The following ACSM2A variants were observed in gnomAD, a reference collection of about 807,000 sequenced individuals.
ACSM2A encodes acyl-CoA synthetase medium chain family member 2A, also known as acyl-coenzyme A synthetase ACSM2A, mitochondrial.
A neutral mutation model predicts 76.6 loss-of-function variants in ACSM2A; 72 were observed. The observed-to-expected ratio is 0.94, with a 90% CI of 0.78 to 1.14. The LOEUF is 1.14. Among genes scored for constraint, ACSM2A ranks in the 50% most tolerant of loss-of-function variants. The pLI, the probability that ACSM2A is intolerant of heterozygous loss-of-function variation, is 0.00. For synonymous variants in ACSM2A, 249 were observed against 255.9 expected, an observed-to-expected ratio of 0.97 and a Z score of 0.26; for missense variants, 684 against 708.5, an observed-to-expected ratio of 0.97 and a Z score of 0.39.
At chr16:20,467,908 G>T (rs1178329456) in intron 3 of ACSM2A, among the ~76,000 whole-genome samples, 1 of 151,944 alleles carries the variant, frequency 6.6e-6, no homozygotes, top group East Asian at 1.9e-4. Flanking sequence ...TTCACAAACT[G>T]CCCTTTCCAC....
chr16:20,460,041 C>T, intron 1 of ACSM2A, 66 bp from the exon 2 acceptor site: 1 of 1,479,914 alleles, frequency 6.8e-7, no homozygotes, highest in Non-Finnish European at 9.0e-7. Flanking sequence ...TCTCCTGAAG[C>T]TGCTGATGAT....
intron 9 of ACSM2A, 129 bp downstream of exon 9, chr16:20,477,578 G>T: frequency 6.9e-7 from 1 of 1,438,920 alleles, no homozygotes; most frequent in Non-Finnish European, 9.2e-7. Context: ...AAGAAAAAAA[G>T]GAGGTAGGGA....
chr16:20,452,132 T>A (rs559416291), intron 1 of ACSM2A: 5 of 151,598 alleles, frequency 3.3e-5, no homozygotes, highest in African/African-American at 1.2e-4. Flanking sequence ...TAATACTGAG[T>A]GTCAATTGAT....
intron 1 of ACSM2A, chr16:20,453,682 G>T (rs1415324695): frequency 7.9e-6 from 1 of 126,638 alleles, no homozygotes; most frequent in Non-Finnish European, 1.6e-5. Flanking sequence ...TTTTCTTCTT[G>T]CAGAAAGCCT....
intron 1 of ACSM2A, among the ~76,000 whole-genome samples, chr16:20,458,913 T>TAC (rs1179656098): frequency 6.7e-5 from 4 of 59,662 alleles, no homozygotes; most frequent in Non-Finnish European, 1.2e-4. Flanking sequence ...TGCATATATA[T>TAC]ATATATATAT....
At chr16:20,460,431 A>G in intron 2 of ACSM2A, 140 bp downstream of exon 2, 1 of 1,475,182 alleles carries the variant, frequency 6.8e-7, no homozygotes, top group Non-Finnish European at 9.0e-7. Context: ...CTCGTCTTCC[A>G]TGAAGGCAGT....
intron 10 of ACSM2A, among the ~76,000 whole-genome samples, chr16:20,480,036 A>G (rs1240768975): frequency 1.3e-5 from 2 of 152,224 alleles, no homozygotes; most frequent in Admixed American, 1.3e-4. Flanking sequence ...AGGAAGATGC[A>G]CTGACAAGGG....
Position 20,463,263 on chromosome 16 carries a change from C to CA in ACSM2A, c.178-2244dup, listed in dbSNP as rs1045665768. On this transcript the variant is annotated intron_variant, in intron 2 of 13. Coordinates refer to ENST00000573854, the MANE Select transcript of ACSM2A (RefSeq NM_001308172.2). The stretch of plus-strand genomic sequence containing the variant: ...AAAAGAAATATCAGGCAAATCCAAC[C>CA]AAAAAAAAAAGAGAATATTGTATTT... 2.1e-3 allele frequency among the ~76,000 whole-genome samples: 308 copies of CA among 145,012 alleles called. 4 individuals are homozygous for CA. Among genetic ancestry groups the CA allele is most frequent in the Admixed American group, 0.012 (169 of 14,654 alleles).
In ACSM2A at chr16:20,471,625, G is replaced by A. The variant is rs1392738637; in HGVS notation, c.830G>A (p.Trp277Ter). The change falls in exon 6 of 14, where the codon TGG (tryptophan) becomes TAG (stop). Residue 277 changes from tryptophan to a stop codon, truncating the protein, a stop_gained. Coordinates refer to ENST00000573854, the MANE Select transcript of ACSM2A (RefSeq NM_001308172.2). LOFTEE classifies it high-confidence loss of function. ...ATCTTGTGCTCACTTATGGAACCTT[G>A]GGCATTAGGAGCATGCACATTTGTT... ...LNILCSLMEP[W>*]ALGACTFVHL... 7 of 1,614,056 alleles carry A rather than the reference G, an allele frequency of 4.3e-6. No individual in the cohort carries two copies. The highest frequency in any genetic ancestry group is 1.1e-5 in the South Asian group (1 of 91,066).
intron 12 of ACSM2A, 22 bp from the exon 13 acceptor site, chr16:20,483,036 C>CT (rs1241047682): frequency 2.6e-5 from 42 of 1,612,748 alleles, no homozygotes; most frequent in Middle Eastern, 1.6e-4. Context: ...TCCCTTCTCT[C>CT]TGGCCTTCAT....
intron 1 of ACSM2A, among the ~76,000 whole-genome samples, chr16:20,458,786 T>C (rs1199105797): frequency 7.0e-6 from 1 of 142,822 alleles, no homozygotes; most frequent in Non-Finnish European, 1.5e-5. Context: ...TGTGGCAATG[T>C]ATATTACATA....
At position 20,477,555 on chromosome 16, in the gene ACSM2A, A is replaced by G; in HGVS notation, c.1179+106A>G. ...GTCAAAAATAATAGAAAGTACTGATATTAAGATAACATAAGAAAAAAAGGA... is the reference window on the plus strand; with the variant it reads ...GTCAAAAATAATAGAAAGTACTGATGTTAAGATAACATAAGAAAAAAAGGA... On this transcript the variant is annotated intron_variant, in intron 9 of 13. Transcript: ENST00000573854. 5 of 1,456,726 alleles carry G rather than the reference A, an allele frequency of 3.4e-6. No homozygotes were observed. The South Asian group carries it at 8.4e-5, about 24-fold the overall frequency. 90.2% of individuals were successfully genotyped at this position (1,456,726 alleles called of 1,614,324 possible).
rs1166681167 is a variant in ACSM2A at position 20,486,895 on chromosome 16, A to C, written c.*217A>C. On this transcript the variant is annotated 3_prime_UTR_variant, in exon 14 of 14. Coordinates refer to ENST00000573854, the MANE Select transcript of ACSM2A (RefSeq NM_001308172.2). ...AGTGAAAAGGAGAGGGTAACAGAAA[A>C]AAAGGAAAGAAAAGTAAGTCAGGGA... is the stretch of plus-strand genomic sequence containing the variant. The C allele has an allele frequency of 2.1e-6, 1 of 478,142 alleles. No homozygotes were observed. Among genetic ancestry groups the C allele is most frequent in the African/African-American group, 2.0e-5 (1 of 50,378 alleles). 29.6% of individuals were successfully genotyped at this position (478,142 alleles called of 1,614,324 possible). A position where few individuals can be genotyped will look rare whatever the true frequency, so the allele number is the denominator to read the frequency against.
intron 8 of ACSM2A, 104 bp from the exon 9 acceptor site, chr16:20,477,265 C>G: frequency 6.9e-7 from 1 of 1,442,894 alleles, no homozygotes; most frequent in Non-Finnish European, 9.2e-7. Flanking sequence ...AAGTGCAGGC[C>G]AAGTTCAGGA....
chr16:20,485,964 C>A (rs1387112581), intron 13 of ACSM2A, among the ~76,000 whole-genome samples: 1 of 152,182 alleles, frequency 6.6e-6, no homozygotes, highest in Non-Finnish European at 1.5e-5. Flanking sequence ...TTCCTTTTAA[C>A]AAGATCAAAT....
intron 6 of ACSM2A, among the ~76,000 whole-genome samples, chr16:20,472,025 G>A (rs1452085435): frequency 6.6e-6 from 1 of 152,192 alleles, no homozygotes; most frequent in Non-Finnish European, 1.5e-5. Context: ...TGGAGTATTG[G>A]AGGGGATGCC....
intron 6 of ACSM2A, chr16:20,473,896 T>G (rs2013568557): frequency 2.9e-6 from 1 of 346,646 alleles, no homozygotes. Context: ...CCTCTGCAAA[T>G]AAGAACTTGG....
At chr16:20,469,272 T>A (rs1172385669) in intron 3 of ACSM2A, among the ~76,000 whole-genome samples, 1 of 152,160 alleles carries the variant, frequency 6.6e-6, no homozygotes, top group Non-Finnish European at 1.5e-5. Context: ...CAATGTGACA[T>A]TAGCAATTCA....
chr16:20,475,847 G>C, intron 8 of ACSM2A, 74 bp downstream of exon 8: 2 of 1,597,818 alleles, frequency 1.3e-6, no homozygotes, highest in East Asian at 2.2e-5. Flanking sequence ...AATAAAAATT[G>C]TTAGCCACCA....
Sources: gnomAD v4.1 joint callset for allele counts (sites outside exome capture counted in the v4.1 genomes callset) on GRCh38, gnomAD v4.1.1 for gene constraint, MANE v1.5 for transcripts, NCBI Gene and HGNC (gene_info 2026-07-23, HGNC 2026-07-21) for gene names.